Variants in ZFYVE9 observed in about 807,000 individuals in gnomAD.
The protein encoded by ZFYVE9 is zinc finger FYVE-type containing 9.
In ZFYVE9, 43 loss-of-function variants were observed where a neutral mutation model predicts 126.7. The observed-to-expected ratio is 0.34, with a 90% CI of 0.27 to 0.44. The LOEUF is 0.44. ZFYVE9 is among the 20% of genes least tolerant of loss of function. The pLI is 1.00. For missense variants in ZFYVE9, 1,476 were observed against 1,697.0 expected, an observed-to-expected ratio of 0.87 and a Z score of 2.29; for synonymous variants, 521 against 597.4, an observed-to-expected ratio of 0.87 and a Z score of 1.87.
intron 1 of ZFYVE9, among the ~76,000 whole-genome samples, chr1:52,181,480 A>G (rs1644702697): frequency 6.6e-6 from 1 of 152,186 alleles, no homozygotes; most frequent in Admixed American, 6.5e-5. Flanking sequence ...AAGTGCCGAG[A>G]TTGCAGCCTC....
intron 1 of ZFYVE9, among the ~76,000 whole-genome samples, chr1:52,146,392 A>G (rs1644306889): frequency 6.6e-6 from 1 of 152,134 alleles, no homozygotes; most frequent in Non-Finnish European, 1.5e-5. Context: ...CTCTCAATTT[A>G]TTAAATTTAC....
intron 7 of ZFYVE9, among the ~76,000 whole-genome samples, chr1:52,270,429 A>C (rs1048060250): frequency 6.6e-6 from 1 of 151,978 alleles, no homozygotes; most frequent in Admixed American, 6.6e-5. Flanking sequence ...ATGCCCAGCT[A>C]ATTTTTATGT....
intron 13 of ZFYVE9, among the ~76,000 whole-genome samples, chr1:52,326,836 T>A (rs1217877352): frequency 6.6e-6 from 1 of 151,064 alleles, no homozygotes; most frequent in Non-Finnish European, 1.5e-5. Flanking sequence ...ACCATTGCAC[T>A]CCAGCCTGGG....
chr1:52,305,537 C>T (rs1429481509), intron 13 of ZFYVE9, among the ~76,000 whole-genome samples: 2 of 152,190 alleles, frequency 1.3e-5, no homozygotes, highest in Non-Finnish European at 2.9e-5. Context: ...ATCATGCTGG[C>T]TGCAGCAGGG....
At chr1:52,255,640 C>G (rs557830558) in intron 4 of ZFYVE9, among the ~76,000 whole-genome samples, 1 of 151,578 alleles carries the variant, frequency 6.6e-6, no homozygotes, top group African/African-American at 2.4e-5. Context: ...TGCCTGTAAT[C>G]CCAGCACTTT....
intron 1 of ZFYVE9, among the ~76,000 whole-genome samples, chr1:52,147,319 G>T (rs1315356377): frequency 1.3e-5 from 2 of 152,200 alleles, no homozygotes; most frequent in Non-Finnish European, 2.9e-5. Flanking sequence ...TCACAGAGTT[G>T]TGCAAACATC....
At chr1:52,249,499 C>CTGT (rs542064174) in intron 4 of ZFYVE9, among the ~76,000 whole-genome samples, 1 of 152,176 alleles carries the variant, frequency 6.6e-6, no homozygotes, top group African/African-American at 2.4e-5. Context: ...GTTGTGTTTT[C>CTGT]TGTTGTTGAG....
At chr1:52,172,412 T>A (rs1207847161) in intron 1 of ZFYVE9, among the ~76,000 whole-genome samples, 3 of 152,204 alleles carry the variant, frequency 2.0e-5, no homozygotes, top group African/African-American at 7.2e-5. Context: ...AGCCTTGTAG[T>A]ATAGTTTGAA....
chr1:52,173,295 G>A (rs1347595922), intron 1 of ZFYVE9, among the ~76,000 whole-genome samples: 1 of 152,120 alleles, frequency 6.6e-6, no homozygotes, highest in Non-Finnish European at 1.5e-5. Flanking sequence ...TTTATATGCT[G>A]GATTACATTT....
chr1:52,310,701 T>C (rs1327753265), intron 13 of ZFYVE9, among the ~76,000 whole-genome samples: 1 of 152,208 alleles, frequency 6.6e-6, no homozygotes, highest in Non-Finnish European at 1.5e-5. Context: ...AATTTAGTTT[T>C]AGGGCTGATG....
chr1:52,204,111 T>C (rs1644951064), intron 1 of ZFYVE9, among the ~76,000 whole-genome samples: 1 of 152,040 alleles, frequency 6.6e-6, no homozygotes, highest in Non-Finnish European at 1.5e-5. Context: ...TTATGCCTTG[T>C]AATCTTTTCT....
In ZFYVE9 at chr1:52,160,656, C is replaced by T. The variant is rs111473986; in HGVS notation, c.-143+18253C>T. 2,028 of 604,588 alleles carry T rather than the reference C, an allele frequency of 3.4e-3. 46 individuals are homozygous for T. The African/African-American group carries it at 0.034, about 10-fold the overall frequency. The allele number at this position is 604,588 out of a possible 1,614,324, so 37.5% of individuals were successfully genotyped here. A position where few individuals can be genotyped will look rare whatever the true frequency, so the allele number is the denominator to read the frequency against. ...GTGTTGATCTCCTGACCTCGTGATC[C>T]GCCTGCGTCGGCCTCCTGCAGTGCT... On this transcript the variant is annotated intron_variant, in intron 1 of 18. Coordinates refer to ENST00000287727, the MANE Select transcript of ZFYVE9 (RefSeq NM_004799.4).
At chr1:52,323,788 G>A (rs892158582) in intron 13 of ZFYVE9, among the ~76,000 whole-genome samples, 7 of 151,374 alleles carry the variant, frequency 4.6e-5, no homozygotes, top group Non-Finnish European at 8.8e-5. Context: ...GGCAGCACAT[G>A]CCTATAATCC....
chr1:52,268,494 G>T lies in ZFYVE9; in HGVS notation c.2487G>T (p.Trp829Cys). The T allele has an allele frequency of 6.2e-7, 1 of 1,614,098 alleles. No individual in the cohort carries two copies. The highest frequency in any genetic ancestry group is 8.5e-7 in the Non-Finnish European group (1 of 1,179,982). ...VAQPREQRRV[W>C]FADGILPNGE... is the part of the protein sequence containing the mutation. ...AGCCCAGAGAGCAGAGGCGAGTTTG[G>T]TTTGCTGATGGGATCTTGCCCAATG... The change falls in exon 7 of 19, where the codon TGG becomes TGT. Residue 829 changes from tryptophan (W) to cysteine (C), a missense_variant. Physicochemically the swap from Trp to Cys is radical, Grantham distance 215. This residue lies in a region of ZFYVE9 where 669 missense variants were observed against 902.4 expected (regional missense o/e 0.74). Transcript: ENST00000287727.
chr1:52,196,235 G>A (rs1644859002), intron 1 of ZFYVE9, among the ~76,000 whole-genome samples: 1 of 152,204 alleles, frequency 6.6e-6, no homozygotes, highest in Non-Finnish European at 1.5e-5. Flanking sequence ...TGAGTGCTCT[G>A]TCACATATTT....
intron 17 of ZFYVE9, among the ~76,000 whole-genome samples, chr1:52,342,647 T>A (rs1646448508): frequency 6.6e-6 from 1 of 151,820 alleles, no homozygotes; most frequent in African/African-American, 2.4e-5. Flanking sequence ...GCGATTCTCC[T>A]GCCTCAGCTT....
intron 13 of ZFYVE9, among the ~76,000 whole-genome samples, chr1:52,328,886 A>G (rs1288369554): frequency 6.6e-6 from 1 of 152,192 alleles, no homozygotes; most frequent in Non-Finnish European, 1.5e-5. Flanking sequence ...TAAGAGGAGT[A>G]TTCAATTATA....
At position 52,344,846 on chromosome 1, in the gene ZFYVE9, G is replaced by T. The variant is rs912770205; in HGVS notation, c.4018G>T (p.Ala1340Ser). The change falls in exon 18 of 19, where the codon GCC (alanine) becomes TCC (serine). Residue 1340 changes from alanine (A) to serine (S), a missense_variant. By Grantham distance (99) the Ala-to-Ser change is moderately conservative. Around this residue, in one of 2 missense-constraint regions of ZFYVE9, gnomAD observed 669 missense variants for 902.4 expected, o/e 0.74. Transcript: ENST00000287727. ...TCACAGTAGATTGACTGAGCATGTT[G>T]CCAAAGCTTTTTGCCTTGCTCTCTG... The part of the protein sequence containing the change: ...ADHSRLTEHV[A>S]KAFCLALCPH... 2 of 1,614,064 alleles carry T rather than the reference G, an allele frequency of 1.2e-6. No homozygotes were observed. The highest frequency in any genetic ancestry group is 1.7e-6 in the Non-Finnish European group (2 of 1,180,054).
chr1:52,316,749 G>A (rs1646189539), intron 13 of ZFYVE9, among the ~76,000 whole-genome samples: 1 of 152,172 alleles, frequency 6.6e-6, no homozygotes, highest in Non-Finnish European at 1.5e-5. Context: ...ATAATATTTG[G>A]AGATTTCAAT....
Sources: gnomAD v4.1 joint callset for allele counts (sites outside exome capture counted in the v4.1 genomes callset) on GRCh38, gnomAD v4.1.1 for gene constraint, gnomAD v4.1.1 regional missense constraint, MANE v1.5 for transcripts, NCBI Gene and HGNC (gene_info 2026-07-23, HGNC 2026-07-21) for gene names.